The following BEND3 variants were observed in gnomAD, a reference collection of about 807,000 sequenced individuals.
BEND3 encodes the protein BEN domain containing 3.
Under a neutral mutation model 60.1 loss-of-function variants are expected in BEND3, and 13 were observed. The ratio of observed to expected loss-of-function variants is 0.22; its 90% CI spans 0.14 to 0.34. The LOEUF is 0.34. BEND3 is among the 10% of genes least tolerant of loss of function. The pLI is 1.00. For synonymous variants in BEND3, 497 were observed against 491.5 expected (o/e 1.01, Z -0.15); for missense variants, 896 against 1,138.1 (o/e 0.79, Z 3.06).
At chr6:107,078,589 G>C (rs200461323) in intron 3 of BEND3, among the ~76,000 whole-genome samples, 1 of 147,408 alleles carries the variant, frequency 6.8e-6, no homozygotes, top group Non-Finnish European at 1.5e-5. Flanking sequence ...CAAAGTGCTG[G>C]GATTACAGGC....
intron 3 of BEND3, 78 bp from the exon 4 acceptor site, chr6:107,071,028 C>T: frequency 2.9e-6 from 4 of 1,382,642 alleles, no homozygotes; most frequent in Non-Finnish European, 2.9e-6. Context: ...CTGTGTAGCA[C>T]ACAGAGGCCG....
chr6:107,102,201 C>T (rs928381411), intron 1 of BEND3, among the ~76,000 whole-genome samples: 1 of 152,208 alleles, frequency 6.6e-6, no homozygotes, highest in Non-Finnish European at 1.5e-5. Context: ...CCATTATATT[C>T]GCCCAACCAT....
In BEND3 at chr6:107,108,189, C is replaced by T. The variant is rs1157839824; in HGVS notation, c.-12+6901G>A. On this transcript the variant is annotated intron_variant, in intron 1 of 3. Transcript: ENST00000369042. ...TCCTTATTCAGTCAGAGCACAACCTCATCTTCCGCATGCAGCCAAGCACAG... is the reference window on the plus strand; with the variant it reads ...TCCTTATTCAGTCAGAGCACAACCTTATCTTCCGCATGCAGCCAAGCACAG... 2.0e-5 allele frequency among the ~76,000 whole-genome samples: 3 copies of T among 152,254 alleles called. No individual in the cohort carries two copies. The East Asian group carries it at 5.8e-4, about 29-fold the overall frequency.
intron 1 of BEND3, among the ~76,000 whole-genome samples, chr6:107,101,718 C>G (rs1443919445): frequency 6.6e-6 from 1 of 152,190 alleles, no homozygotes; most frequent in African/African-American, 2.4e-5. Context: ...CACTTTGGAT[C>G]GCCATCATCT....
Position 107,065,762 on chromosome 6 carries a change from G to A in BEND3, c.*2942C>T, listed in dbSNP as rs781914495. 2.0e-5 allele frequency: 3 copies of A among 152,198 alleles called. No individual in the cohort carries two copies. The highest frequency in any genetic ancestry group is 4.4e-5 in the Non-Finnish European group (3 of 68,050). The allele number at this position is 152,198 out of a possible 1,614,324, so 9.4% of individuals were successfully genotyped here. The stretch of plus-strand genomic sequence containing the variant: ...CACCACTAAGTAGATCCCATTGGTT[G>A]GTTGGTTGATGATTGCTGCTGATGT... On this transcript the variant is annotated 3_prime_UTR_variant, in exon 4 of 4. Coordinates refer to ENST00000369042, the MANE Select transcript of BEND3 (RefSeq NM_001367314.1).
intron 1 of BEND3, among the ~76,000 whole-genome samples, chr6:107,101,020 G>A (rs1407152718): frequency 6.6e-6 from 1 of 152,116 alleles, no homozygotes; most frequent in Non-Finnish European, 1.5e-5. Context: ...TGGCCAACAT[G>A]GTGAAACCCC....
chr6:107,080,490 G>A lies in BEND3; in HGVS notation c.241-9540C>T, dbSNP rs77798941. On this transcript the variant is annotated intron_variant, in intron 3 of 3. Coordinates refer to ENST00000369042, the MANE Select transcript of BEND3 (RefSeq NM_001367314.1). ...TCTTAGAAGAAACAGAAGATTCAGC[G>A]GCAGAGGATAAGAGAATATTCACCC... Among the ~76,000 whole-genome samples, 585 of 152,046 alleles carry A rather than the reference G, an allele frequency of 3.8e-3. 6 individuals are homozygous for A. Among genetic ancestry groups the A allele is most frequent in the African/African-American group, 0.014 (563 of 41,466 alleles).
At chr6:107,091,086 G>A (rs1275736031) in intron 3 of BEND3, among the ~76,000 whole-genome samples, 2 of 151,524 alleles carry the variant, frequency 1.3e-5, no homozygotes, top group Non-Finnish European at 2.9e-5. Context: ...CTCCTGCCTG[G>A]GCAACAGAGT....
At chr6:107,073,343 A>G (rs1031217737) in intron 3 of BEND3, among the ~76,000 whole-genome samples, 31 of 142,982 alleles carry the variant, frequency 2.2e-4, no homozygotes, top group African/African-American at 7.8e-4. Flanking sequence ...CACTCACAGG[A>G]GCAGAGGACC....
chr6:107,069,048 C>T lies in BEND3; in HGVS notation c.2143G>A (p.Val715Met). Residue 715 changes from valine (V) to methionine (M), a missense_variant, in exon 4 of 4, where the codon GTG becomes ATG. Physicochemically the swap from Val to Met is conservative, Grantham distance 21. Around this residue, in one of 4 missense-constraint regions of BEND3, gnomAD observed 846 missense variants for 1,036.7 expected, o/e 0.82. Coordinates refer to ENST00000369042, the MANE Select transcript of BEND3 (RefSeq NM_001367314.1). ...TCAGACAGCAGGTAGGGAGAAGGCA[C>T]CGGGAAGTCAGGCGAGGGGACCACC... ...ELVVPSPDFP[V>M]PSPYLLSDKE... The T allele has an allele frequency of 6.2e-7, 1 of 1,613,594 alleles. No individual in the cohort carries two copies. The highest frequency in any genetic ancestry group is 8.5e-7 in the Non-Finnish European group (1 of 1,180,018).
At chr6:107,102,782 T>A (rs1775728198) in intron 1 of BEND3, among the ~76,000 whole-genome samples, 1 of 152,202 alleles carries the variant, frequency 6.6e-6, no homozygotes, top group Non-Finnish European at 1.5e-5. Context: ...CTGTAACATC[T>A]GCAGCCCACC....
intron 3 of BEND3, among the ~76,000 whole-genome samples, chr6:107,080,179 T>G (rs1554233324): frequency 1.3e-5 from 2 of 151,356 alleles, no homozygotes; most frequent in African/African-American, 4.9e-5. Context: ...GGCAGATTGC[T>G]TGAGCCCAGT....
intron 1 of BEND3, among the ~76,000 whole-genome samples, chr6:107,110,565 C>T (rs1775920514): frequency 6.6e-6 from 1 of 151,550 alleles, no homozygotes; most frequent in African/African-American, 2.4e-5. Flanking sequence ...GTGTGACTTT[C>T]TTTTTCTTTT....
intron 3 of BEND3, among the ~76,000 whole-genome samples, chr6:107,083,495 G>A (rs1468772094): frequency 6.6e-6 from 1 of 151,908 alleles, no homozygotes; most frequent in Non-Finnish European, 1.5e-5. Context: ...AAATTACCCA[G>A]TTGTGGTGGT....
chr6:107,107,030 G>C (rs1182078636), intron 1 of BEND3, among the ~76,000 whole-genome samples: 1 of 149,906 alleles, frequency 6.7e-6, no homozygotes, highest in African/African-American at 2.5e-5. Flanking sequence ...TCTGCCTCCC[G>C]GGTTCAAGTG....
Position 107,069,927 on chromosome 6 carries a change from G to C in BEND3, c.1264C>G (p.Leu422Val). ...TCACCCAGCTTGCGGTGGTCGAAGA[G>C]CTCGGGGAAGAGCCGGTGGAGGAGG... The part of the protein sequence containing the change: ...VFLLHRLFPE[L>V]FDHRKLGEQY... Residue 422 changes from leucine (L) to valine (V), a missense_variant, in exon 4 of 4, where the codon CTC (leucine) becomes GTC (valine). By Grantham distance (32) the Leu-to-Val change is conservative (BLOSUM62 1). Around this residue, in one of 4 missense-constraint regions of BEND3, gnomAD observed 846 missense variants for 1,036.7 expected, o/e 0.82. Coordinates refer to ENST00000369042, the MANE Select transcript of BEND3 (RefSeq NM_001367314.1). 1 of 1,613,912 alleles carries C rather than the reference G, an allele frequency of 6.2e-7. No individual in the cohort carries two copies. The highest frequency in any genetic ancestry group is 8.5e-7 in the Non-Finnish European group (1 of 1,180,034).
intron 3 of BEND3, among the ~76,000 whole-genome samples, chr6:107,083,919 C>G (rs1775284731): frequency 6.6e-6 from 1 of 152,090 alleles, no homozygotes; most frequent in African/African-American, 2.4e-5. Flanking sequence ...GAGACCCTAT[C>G]TTGAAAAAGA....
chr6:107,077,628 G>A (rs894722074), intron 3 of BEND3, among the ~76,000 whole-genome samples: 1 of 152,158 alleles, frequency 6.6e-6, no homozygotes, highest in African/African-American at 2.4e-5. Context: ...AAGAACAGAA[G>A]ACCTAGCAAG....
At position 107,067,722 on chromosome 6, in the gene BEND3, G is replaced by A. The variant is rs1181256939; in HGVS notation, c.*982C>T. ...CTGGGGAAGTCACCACAAAGCTCCCGGAACCTGGATTTTGTACAAATACAC... is the reference window on the plus strand; with the variant it reads ...CTGGGGAAGTCACCACAAAGCTCCCAGAACCTGGATTTTGTACAAATACAC... On this transcript the variant is annotated 3_prime_UTR_variant, in exon 4 of 4. Coordinates refer to ENST00000369042, the MANE Select transcript of BEND3 (RefSeq NM_001367314.1). The A allele has an allele frequency of 1.3e-5, 2 of 152,290 alleles. No individual in the cohort carries two copies. Among genetic ancestry groups the A allele is most frequent in the South Asian group, 2.1e-4 (1 of 4,826 alleles). The allele number at this position is 152,290 out of a possible 1,614,324, so 9.4% of individuals were successfully genotyped here.
Sources: gnomAD v4.1 joint callset for allele counts (sites outside exome capture counted in the v4.1 genomes callset) on GRCh38, gnomAD v4.1.1 for gene constraint, gnomAD v4.1.1 regional missense constraint, MANE v1.5 for transcripts, NCBI Gene and HGNC (gene_info 2026-07-23, HGNC 2026-07-21) for gene names.